The following FANCA variants were observed in gnomAD, a reference collection of about 807,000 sequenced individuals.
FANCA encodes the protein FA complementation group A, also known as Fanconi anemia group A protein.
In FANCA, 236 loss-of-function variants were observed where a neutral mutation model predicts 194.3. That is an observed-to-expected ratio of 1.21 (90% CI 1.09 to 1.35). The LOEUF (loss-of-function observed/expected upper bound fraction) is 1.35, where lower values mean the gene tolerates loss of function less well. FANCA is among the 40% of genes most tolerant of loss of function. FANCA has a pLI of 0.00. For synonymous variants in FANCA, 1,014 were observed against 715.8 expected, an observed-to-expected ratio of 1.42 and a Z score of -6.65; for missense variants, 2,628 against 1,813.9, an observed-to-expected ratio of 1.45 and a Z score of -8.15.
At chr16:89,751,513 A>G (rs1256848116) in intron 31 of FANCA, among the ~76,000 whole-genome samples, 1 of 152,202 alleles carries the variant, frequency 6.6e-6, no homozygotes, top group Non-Finnish European at 1.5e-5. Context: ...AGGAAAAAGC[A>G]GATGGTCTCA....
In FANCA at chr16:89,799,641, G is replaced by C. The variant is rs749688050; in HGVS notation, c.793-3C>G. ...CTCTGCAGTACATCAACCGTGACCT[G>C]TCAAAATAGAATGTGAGTTACCATC... On this transcript the variant is annotated splice_region_variant and splice_polypyrimidine_tract_variant and intron_variant, in intron 8 of 42. Transcript: ENST00000389301. The C allele has an allele frequency of 3.7e-6, 6 of 1,611,040 alleles. No homozygotes were observed. Among genetic ancestry groups the C allele is most frequent in the South Asian group, 3.3e-5 (3 of 91,002 alleles).
At chr16:89,810,152 C>T (rs528949284) in intron 5 of FANCA, among the ~76,000 whole-genome samples, 2 of 151,678 alleles carry the variant, frequency 1.3e-5, no homozygotes, top group African/African-American at 2.4e-5. Context: ...GAAACCCCGT[C>T]TCTGCTAAAA....
intron 8 of FANCA, among the ~76,000 whole-genome samples, chr16:89,801,650 G>A (rs1168903645): frequency 5.3e-5 from 8 of 152,060 alleles, no homozygotes; most frequent in Non-Finnish European, 1.0e-4. Flanking sequence ...AGCACTTCAG[G>A]AGGCCAAGGC....
Position 89,740,033 on chromosome 16 carries a change from TC to T in FANCA, c.3894del (p.Lys1299ArgfsTer10). 6.2e-7 allele frequency: 1 copy of T among 1,614,186 alleles called. No individual in the cohort carries two copies. The highest frequency in any genetic ancestry group is 8.5e-7 in the Non-Finnish European group (1 of 1,180,022). ...TGAAAGAGTGCCAGCCAGGATATCT[TC>T]CTCTTCTCTAAACACTCGAGGATTG... The part of the protein sequence containing the change: ...CAAILECLEK[R>X]KISWLALFQL... On this transcript the variant is annotated frameshift_variant, in exon 39 of 43. Transcript: ENST00000389301. LOFTEE classifies it high-confidence loss of function.
Position 89,745,080 on chromosome 16 carries a change from A to G in FANCA, c.3514-9T>C, listed in dbSNP as rs1221875105. 1 of 1,593,738 alleles carries G rather than the reference A, an allele frequency of 6.3e-7. No homozygotes were observed. Among genetic ancestry groups the G allele is most frequent in the Non-Finnish European group, 8.5e-7 (1 of 1,173,870 alleles). ...AGGCTCGGCCACCACACCTATGGAG[A>G]GAGCACCAGCACACAGATGAGGGTG... On this transcript the variant is annotated splice_polypyrimidine_tract_variant and intron_variant, in intron 35 of 42. Transcript: ENST00000389301.
chr16:89,789,117 C>T (rs528762037), intron 14 of FANCA, among the ~76,000 whole-genome samples: 1 of 152,174 alleles, frequency 6.6e-6, no homozygotes, highest in African/African-American at 2.4e-5. Context: ...ACAGAACAAA[C>T]ACCTCTCCTC....
At chr16:89,754,375 T>C (rs1047342711) in intron 30 of FANCA, among the ~76,000 whole-genome samples, 1 of 152,192 alleles carries the variant, frequency 6.6e-6, no homozygotes, top group African/African-American at 2.4e-5. Context: ...ATCTTTCTTT[T>C]GTTTTTTTGT....
intron 30 of FANCA, 118 bp from the exon 31 acceptor site, chr16:89,752,340 C>G: frequency 1.2e-6 from 1 of 846,332 alleles, no homozygotes; most frequent in Non-Finnish European, 2.0e-6. Context: ...GTGTGACCCT[C>G]ACATTAGTCA....
intron 31 of FANCA, among the ~76,000 whole-genome samples, chr16:89,750,792 C>G (rs907224194): frequency 6.6e-6 from 1 of 150,714 alleles, no homozygotes; most frequent in African/African-American, 2.4e-5. Context: ...AACAAAACAA[C>G]AACAAAAAAA....
intron 32 of FANCA, 39 bp from the exon 33 acceptor site, chr16:89,748,806 G>C (rs760626871): frequency 1.3e-6 from 2 of 1,534,950 alleles, no homozygotes; most frequent in South Asian, 2.3e-5. Context: ...ACAGCACAGC[G>C]TACACTCTGC....
chr16:89,805,451 G>T, intron 6 of FANCA, 59 bp from the exon 7 acceptor site: 6 of 1,375,088 alleles, frequency 4.4e-6, no homozygotes, highest in Non-Finnish European at 5.2e-6. Context: ...TCAGGGGATT[G>T]AGTTGAGCCA....
chr16:89,799,049 G>C, intron 10 of FANCA, 117 bp downstream of exon 10: 1 of 1,614,254 alleles, frequency 6.2e-7, no homozygotes, highest in South Asian at 1.1e-5. Context: ...ACTGGCAGAG[G>C]AAGTGTGCTC....
chr16:89,760,739 G>T (rs910040085), intron 29 of FANCA, among the ~76,000 whole-genome samples: 3 of 152,160 alleles, frequency 2.0e-5, no homozygotes, highest in Non-Finnish European at 4.4e-5. Context: ...GTGCCCCCAA[G>T]TCAAGGCTGG....
At chr16:89,800,724 G>T (rs1207186599) in intron 8 of FANCA, among the ~76,000 whole-genome samples, 1 of 152,064 alleles carries the variant, frequency 6.6e-6, no homozygotes, top group Non-Finnish European at 1.5e-5. Flanking sequence ...CAGACCAACG[G>T]AACAGGATAG....
chr16:89,762,298 C>T (rs1408273894), intron 28 of FANCA, among the ~76,000 whole-genome samples: 3 of 152,144 alleles, frequency 2.0e-5, no homozygotes, highest in African/African-American at 4.8e-5. Flanking sequence ...AAGACCTCAT[C>T]TCATTTAAAA....
intron 15 of FANCA, among the ~76,000 whole-genome samples, chr16:89,784,650 G>C (rs550867042): frequency 3.3e-5 from 5 of 152,042 alleles, no homozygotes; most frequent in Admixed American, 3.3e-4. Flanking sequence ...CGCACTCACT[G>C]TGTGTCCACG....
intron 14 of FANCA, among the ~76,000 whole-genome samples, chr16:89,790,656 G>T (rs986752014): frequency 5.3e-5 from 8 of 151,760 alleles, no homozygotes; most frequent in Non-Finnish European, 8.8e-5. Flanking sequence ...TTGAAACGGG[G>T]CAGCGGAGTT....
intron 30 of FANCA, among the ~76,000 whole-genome samples, chr16:89,755,591 A>C (rs1049836017): frequency 1.3e-5 from 2 of 152,214 alleles, no homozygotes; most frequent in African/African-American, 4.8e-5. Context: ...AAAAATTTAA[A>C]ACCTTTGTGC....
At chr16:89,810,512 G>A in intron 5 of FANCA, 195 bp downstream of exon 5, 2 of 600,046 alleles carry the variant, frequency 3.3e-6, no homozygotes, top group South Asian at 1.9e-5. Context: ...TAGGTGAATA[G>A]GGACAAAAAA....
Sources: gnomAD v4.1 joint callset for allele counts (sites outside exome capture counted in the v4.1 genomes callset) on GRCh38, gnomAD v4.1.1 for gene constraint, MANE v1.5 for transcripts, NCBI Gene and HGNC (gene_info 2026-07-23, HGNC 2026-07-21) for gene names.